PCCA: variants seen among roughly 807,000 people sequenced by gnomAD.
The protein encoded by PCCA is propionyl-CoA carboxylase subunit alpha.
PCCA carries 74 observed loss-of-function variants against 101.3 expected under a neutral mutation model. The ratio of observed to expected loss-of-function variants is 0.73; its 90% confidence interval spans 0.61 to 0.89. The LOEUF (loss-of-function observed/expected upper bound fraction) is 0.89. Ranked by LOEUF, PCCA falls within the 40% of genes least tolerant of loss-of-function variation. The pLI, the probability that PCCA is intolerant of heterozygous loss-of-function variation, is 0.00. For missense variants in PCCA, 891 were observed against 907.0 expected, an observed-to-expected ratio of 0.98 and a Z score of 0.23; for synonymous variants, 294 against 313.6, an observed-to-expected ratio of 0.94 and a Z score of 0.66.
intron 20 of PCCA, among the ~76,000 whole-genome samples, chr13:100,428,734 C>T (rs1425809826): frequency 6.6e-6 from 1 of 152,068 alleles, no homozygotes; most frequent in Non-Finnish European, 1.5e-5. Context: ...GCATTTCTGG[C>T]AAGCCCCCAG....
At chr13:100,485,641 T>TA (rs1289876369) in intron 21 of PCCA, among the ~76,000 whole-genome samples, 4 of 152,188 alleles carry the variant, frequency 2.6e-5, no homozygotes, top group African/African-American at 7.2e-5. Flanking sequence ...GGTATATGTA[T>TA]ACAGAGACCT....
chr13:100,325,731 T>C (rs979172009), intron 16 of PCCA, among the ~76,000 whole-genome samples: 12 of 152,202 alleles, frequency 7.9e-5, no homozygotes, highest in Admixed American at 3.3e-4. Context: ...CTGCCAGTCT[T>C]CTGGTTGTAC....
chr13:100,481,068 C>G (rs904712732), intron 21 of PCCA: 6 of 152,176 alleles, frequency 3.9e-5, no homozygotes, highest in African/African-American at 1.4e-4. Context: ...AAAACTAGCA[C>G]AAATTTCTTT....
chr13:100,463,965 A>T (rs1422824599), intron 21 of PCCA, among the ~76,000 whole-genome samples: 2 of 152,220 alleles, frequency 1.3e-5, no homozygotes, highest in Non-Finnish European at 2.9e-5. Flanking sequence ...AAAGATCTTC[A>T]AAGTAAAATT....
intron 21 of PCCA, among the ~76,000 whole-genome samples, chr13:100,464,224 C>G (rs1261556816): frequency 6.6e-6 from 1 of 152,102 alleles, no homozygotes; most frequent in Non-Finnish European, 1.5e-5. Flanking sequence ...TGAACAGGAT[C>G]GGGCAGGGGT....
chr13:100,122,126 C>G (rs2049465069), intron 4 of PCCA, among the ~76,000 whole-genome samples: 2 of 151,978 alleles, frequency 1.3e-5, no homozygotes, highest in Admixed American at 6.6e-5. Context: ...GGTTTTTGTC[C>G]TTTATTTATA....
intron 16 of PCCA, among the ~76,000 whole-genome samples, chr13:100,326,642 T>G (rs2068718185): frequency 6.6e-6 from 1 of 152,112 alleles, no homozygotes; most frequent in African/African-American, 2.4e-5. Context: ...CTCTCCTGCC[T>G]CTGCAACCCC....
intron 2 of PCCA, among the ~76,000 whole-genome samples, chr13:100,107,427 G>A (rs977155318): frequency 2.6e-5 from 4 of 152,046 alleles, no homozygotes; most frequent in Non-Finnish European, 4.4e-5. Flanking sequence ...AGTGGCTTAC[G>A]CCTACAGTCC....
intron 21 of PCCA, among the ~76,000 whole-genome samples, chr13:100,463,285 G>A (rs1187799153): frequency 6.7e-6 from 1 of 150,370 alleles, no homozygotes; most frequent in African/African-American, 2.4e-5. Flanking sequence ...CATTGAAGGA[G>A]TTGAAAGAAG....
chr13:100,385,922 A>G (rs1259069057), intron 19 of PCCA, among the ~76,000 whole-genome samples: 3 of 152,314 alleles, frequency 2.0e-5, no homozygotes, highest in African/African-American at 7.2e-5. Flanking sequence ...TCTTCCTAAG[A>G]TTGTAGAAAC....
At chr13:100,404,505 G>A (rs375585209) in intron 19 of PCCA, among the ~76,000 whole-genome samples, 30 of 152,216 alleles carry the variant, frequency 2.0e-4, no homozygotes, top group African/African-American at 6.0e-4. Context: ...TGGGGGTCCC[G>A]GATGCATTCA....
intron 20 of PCCA, among the ~76,000 whole-genome samples, chr13:100,436,696 C>G (rs2079963178): frequency 6.6e-6 from 1 of 152,116 alleles, no homozygotes; most frequent in East Asian, 1.9e-4. Context: ...CACCTGTTTC[C>G]TTTTGGATTT....
intron 21 of PCCA, among the ~76,000 whole-genome samples, chr13:100,492,262 GT>G (rs371423917): frequency 1.3e-5 from 2 of 152,164 alleles, no homozygotes; most frequent in African/African-American, 4.8e-5. Flanking sequence ...TGCCTCCCGA[GT>G]AGCTGGGACT....
At chr13:100,319,504 A>C (rs1383339406) in intron 16 of PCCA, among the ~76,000 whole-genome samples, 2 of 152,100 alleles carry the variant, frequency 1.3e-5, no homozygotes, top group Non-Finnish European at 2.9e-5. Context: ...TCTTGAATGA[A>C]TTTTTGTATA....
At chr13:100,441,462 T>A (rs2080360390) in intron 20 of PCCA, among the ~76,000 whole-genome samples, 2 of 152,260 alleles carry the variant, frequency 1.3e-5, no homozygotes. Flanking sequence ...ATTTGATTTA[T>A]TGTTTTGCAA....
At chr13:100,151,062 T>TC in intron 4 of PCCA, 1 of 1,555,054 alleles carries the variant, frequency 6.4e-7, no homozygotes, top group East Asian at 2.2e-5. Context: ...TGCTGCTTTC[T>TC]CCGTAGCTCC....
At chr13:100,443,764 A>G (rs542754748) in intron 20 of PCCA, among the ~76,000 whole-genome samples, 2 of 152,218 alleles carry the variant, frequency 1.3e-5, no homozygotes, top group Middle Eastern at 3.4e-3. Context: ...CTGTAGAGCA[A>G]AATTGAGATC....
chr13:100,279,026 C>A (rs1375071770), intron 12 of PCCA, among the ~76,000 whole-genome samples: 4 of 152,080 alleles, frequency 2.6e-5, no homozygotes, highest in African/African-American at 4.8e-5. Flanking sequence ...TGTCCATGTT[C>A]GGCCTGAAAT....
At chr13:100,102,322 G>A (rs1418728709) in intron 1 of PCCA, among the ~76,000 whole-genome samples, 1 of 152,060 alleles carries the variant, frequency 6.6e-6, no homozygotes, top group African/African-American at 2.4e-5. Flanking sequence ...TTTTCTTAAT[G>A]TTTTTAAGCA....
Sources: gnomAD v4.1 joint callset for allele counts (sites outside exome capture counted in the v4.1 genomes callset) on GRCh38, gnomAD v4.1.1 for gene constraint, MANE v1.5 for transcripts, NCBI Gene and HGNC (gene_info 2026-07-23, HGNC 2026-07-21) for gene names.